The following RUSC2 variants were observed in gnomAD, a reference collection of about 807,000 sequenced individuals.
RUSC2 encodes RUN and SH3 domain containing 2, also known as AP-4 complex accessory subunit RUSC2.
A neutral mutation model predicts 122.2 loss-of-function variants in RUSC2; 34 were observed. The ratio of observed to expected loss-of-function variants is 0.28; its 90% CI spans 0.21 to 0.37. The LOEUF is 0.37. Ranked by LOEUF, RUSC2 falls within the 10% of genes least tolerant of loss-of-function variation. RUSC2 has a pLI of 1.00. For missense variants in RUSC2, 1,747 were observed against 1,952.4 expected (o/e 0.89, Z 1.98); for synonymous variants, 784 against 790.0 (o/e 0.99, Z 0.13).
In RUSC2 at chr9:35,549,238, G is replaced by A. The variant is rs932854769; in HGVS notation, c.2014+703G>A. On this transcript the variant is annotated intron_variant, in intron 2 of 11. Transcript: ENST00000361226. ...TTTAGGAGTTTGCAGTGCCTAAGGG[G>A]CAACCAAGGGATATGTCTAACAACA... The A allele has an allele frequency of 2.7e-5, 27 of 984,540 alleles. No individual in the cohort carries two copies. In the African/African-American group the frequency reaches 4.4e-4, roughly 16 times the overall value. 61.0% of individuals were successfully genotyped at this position (984,540 alleles called of 1,614,324 possible).
chr9:35,538,292 A>C (rs1792028353), intron 1 of RUSC2, among the ~76,000 whole-genome samples: 1 of 152,106 alleles, frequency 6.6e-6, no homozygotes, highest in South Asian at 2.1e-4. Flanking sequence ...CATGGTCCTT[A>C]AGACTTACCA....
chr9:35,500,198 A>G (rs1391657900), intron 1 of RUSC2, among the ~76,000 whole-genome samples: 1 of 152,190 alleles, frequency 6.6e-6, no homozygotes, highest in Non-Finnish European at 1.5e-5. Flanking sequence ...AAGACTGGGC[A>G]ATTTACAAAA....
chr9:35,543,622 A>G (rs1821686490), intron 1 of RUSC2, among the ~76,000 whole-genome samples: 1 of 152,100 alleles, frequency 6.6e-6, no homozygotes, highest in African/African-American at 2.4e-5. Context: ...AAATGGTGAC[A>G]AACACCTGGC....
Position 35,547,306 on chromosome 9 carries a change from C to A in RUSC2, c.785C>A (p.Ala262Asp). The change falls in exon 2 of 12, where the codon GCT becomes GAT. Residue 262 changes from alanine (A) to aspartate (D), a missense_variant. Ala to Asp is a moderately radical substitution (Grantham distance 126). Transcript: ENST00000361226. This position sits in a 1 kb window ranked among gnomAD's most constrained non-coding sequence, Gnocchi z 4.6. ...AGCACATCCAGTCAGTCCGAGGCAGCTGACCAGTCCATGGGCTATGTGAGC... is the reference window on the plus strand; with the variant it reads ...AGCACATCCAGTCAGTCCGAGGCAGATGACCAGTCCATGGGCTATGTGAGC... Reference protein sequence around the residue: ...CSSTSSQSEAADQSMGYVSDS... With the variant: ...CSSTSSQSEADDQSMGYVSDS... 6.2e-7 allele frequency: 1 copy of A among 1,614,212 alleles called. No homozygotes were observed. The highest frequency in any genetic ancestry group is 1.3e-5 in the African/African-American group (1 of 75,046).
At position 35,547,598 on chromosome 9, in the gene RUSC2, T is replaced by C. The variant is rs763089238; in HGVS notation, c.1077T>C (p.Leu359=). 1 of 1,614,186 alleles carries C rather than the reference T, an allele frequency of 6.2e-7. No individual in the cohort carries two copies. The highest frequency in any genetic ancestry group is 8.5e-7 in the Non-Finnish European group (1 of 1,180,032). Residue 359 remains leucine, a synonymous_variant, in exon 2 of 12, where the codon CTT becomes CTC. Coordinates refer to ENST00000361226, the MANE Select transcript of RUSC2 (RefSeq NM_014806.5). The surrounding 1 kb of genome is among the most constrained non-coding windows in gnomAD (Gnocchi z 4.6). ...GCCCTCATGCCTCTTCTCCTGAGCT[T>C]GATGCCAACTGCAACTCCTACCGCC... ...YGCPHASSPE[L]DANCNSYRPH... is the part of the protein sequence containing the mutation.
Position 35,558,584 on chromosome 9 carries a change from G to C in RUSC2, c.3341+17G>C. ...CCTGCTCAAGTGAGTGCACAGAGCA[G>C]CAAGATCCCCTAAACAACTTGCCCT... On this transcript the variant is annotated intron_variant, in intron 8 of 11. Coordinates refer to ENST00000361226, the MANE Select transcript of RUSC2 (RefSeq NM_014806.5). This position sits in a 1 kb window ranked among gnomAD's most constrained non-coding sequence, Gnocchi z 4.3. The C allele has an allele frequency of 6.2e-7, 1 of 1,601,060 alleles. No individual in the cohort carries two copies. Among genetic ancestry groups the C allele is most frequent in the Non-Finnish European group, 8.6e-7 (1 of 1,168,252 alleles).
intron 1 of RUSC2, among the ~76,000 whole-genome samples, chr9:35,522,062 C>A (rs539875987): frequency 6.6e-6 from 1 of 152,338 alleles, no homozygotes; most frequent in African/African-American, 2.4e-5. Context: ...ATTCTTTGAG[C>A]CTCTCTCACA....
chr9:35,493,406 C>G (rs1820607301), intron 1 of RUSC2, among the ~76,000 whole-genome samples: 2 of 152,070 alleles, frequency 1.3e-5, no homozygotes, highest in Admixed American at 6.6e-5. Context: ...TAGGTTGATT[C>G]CGTGGCTTTG....
chr9:35,546,348 T>G lies in RUSC2; in HGVS notation c.-92-82T>G. ...TTTTCTCTTCCTGGGCTCTTCTCCA[T>G]CTGAAAATGATGTAGGGAAGGGCAT... On this transcript the variant is annotated intron_variant, in intron 1 of 11. Coordinates refer to ENST00000361226, the MANE Select transcript of RUSC2 (RefSeq NM_014806.5). This position sits in a 1 kb window ranked among gnomAD's most constrained non-coding sequence, Gnocchi z 4.3. The G allele has an allele frequency of 2.4e-6, 1 of 414,202 alleles. No homozygotes were observed. The highest frequency in any genetic ancestry group is 3.6e-5 in the East Asian group (1 of 27,802). 25.7% of individuals were successfully genotyped at this position (414,202 alleles called of 1,614,324 possible).
chr9:35,543,615 T>C (rs2132547043), intron 1 of RUSC2, among the ~76,000 whole-genome samples: 1 of 152,272 alleles, frequency 6.6e-6, no homozygotes, highest in African/African-American at 2.4e-5. Flanking sequence ...TTTACAAAAA[T>C]GGTGACAAAC....
intron 1 of RUSC2, among the ~76,000 whole-genome samples, chr9:35,491,974 A>G (rs72725048): frequency 0.18 from 27,508 of 152,096 alleles, 2,637 homozygotes; most frequent in Middle Eastern, 0.24. Flanking sequence ...CTCTGTCTCA[A>G]AATAAAGCCT....
In RUSC2 at chr9:35,558,615, C is replaced by G. The variant is rs370766184; in HGVS notation, c.3341+48C>G. On this transcript the variant is annotated intron_variant, in intron 8 of 11. Coordinates refer to ENST00000361226, the MANE Select transcript of RUSC2 (RefSeq NM_014806.5). This position sits in a 1 kb window ranked among gnomAD's most constrained non-coding sequence, Gnocchi z 4.3. ...TCCCCTAAACAACTTGCCCTGCCCC[C>G]CACCCCCGGGCTCTGCCTGCACCAA... is the stretch of plus-strand genomic sequence containing the variant. 6.8e-7 allele frequency: 1 copy of G among 1,467,268 alleles called. No homozygotes were observed. The allele number at this position is 1,467,268 out of a possible 1,614,324, so 90.9% of individuals were successfully genotyped here. A position where few individuals can be genotyped will look rare whatever the true frequency, so the allele number is the denominator to read the frequency against.
chr9:35,497,410 G>A (rs759564907), intron 1 of RUSC2, among the ~76,000 whole-genome samples: 2 of 152,140 alleles, frequency 1.3e-5, no homozygotes, highest in Non-Finnish European at 2.9e-5. Context: ...TTTTGGTGTT[G>A]CAAACCCATT....
In RUSC2 at chr9:35,541,946, T is replaced by C. The variant is rs1282724486; in HGVS notation, c.-92-4484T>C. ...TATCATATAACATTTTTTAAAATTT[T>C]ATAAATATAAAAATAATTCCTTATT... On this transcript the variant is annotated intron_variant, in intron 1 of 11. Transcript: ENST00000361226. Among the ~76,000 whole-genome samples the C allele has an allele frequency of 4.2e-5, 6 of 144,024 alleles. No homozygotes were observed. In the South Asian group the frequency reaches 9.0e-4, roughly 22 times the overall value. The allele number at this position is 144,024 out of a possible 152,430, so 94.5% of individuals were successfully genotyped here.
At position 35,555,701 on chromosome 9, in the gene RUSC2, G is replaced by A; in HGVS notation, c.2656G>A (p.Ala886Thr). The A allele has an allele frequency of 6.3e-7, 1 of 1,581,122 alleles. No homozygotes were observed. The highest frequency in any genetic ancestry group is 8.5e-7 in the Non-Finnish European group (1 of 1,174,970). Residue 886 changes from alanine to threonine, a missense_variant and splice_region_variant, in exon 3 of 12, where the codon GCC becomes ACC. By Grantham distance (58) the Ala-to-Thr change is moderately conservative. Coordinates refer to ENST00000361226, the MANE Select transcript of RUSC2 (RefSeq NM_014806.5). The surrounding 1 kb of genome is among the most constrained non-coding windows in gnomAD (Gnocchi z 4.6). ...EGSMATRPSN[A>T]NHLSPQALKW... ...CAGCATGGCCACCAGGCCCAGTAAT[G>A]GTACGAGCTCCAGCATCTCCCTACC...
chr9:35,555,323 AGAG>A lies in RUSC2; in HGVS notation c.2280_2282del (p.Arg760_Gly761delinsSer), dbSNP rs746810655. On this transcript the variant is annotated inframe_deletion, in exon 3 of 12. Coordinates refer to ENST00000361226, the MANE Select transcript of RUSC2 (RefSeq NM_014806.5). The surrounding 1 kb of genome is among the most constrained non-coding windows in gnomAD (Gnocchi z 4.6). ...GGCATCCACTCCCCGAGCCACTGGC[AGAG>A]GTGCCAGGAAAGCTGGGTCTGAGCC... The A allele has an allele frequency of 3.1e-6, 5 of 1,614,198 alleles. No individual in the cohort carries two copies. The South Asian group carries it at 5.5e-5, about 18-fold the overall frequency.
In RUSC2 at chr9:35,555,658, C is replaced by T. The variant is rs147904436; in HGVS notation, c.2613C>T (p.Ala871=). 1.0e-5 allele frequency: 16 copies of T among 1,606,032 alleles called. No homozygotes were observed. In the African/African-American group the frequency reaches 1.2e-4, roughly 12 times the overall value. The change falls in exon 3 of 12, where the codon GCC becomes GCT. Residue 871 remains alanine, a synonymous_variant. Transcript: ENST00000361226. The surrounding 1 kb of genome is among the most constrained non-coding windows in gnomAD (Gnocchi z 4.6). The part of the protein sequence containing the change: ...RSGLSRAESL[A]RGGGEGSMAT... ...GCCTCAGCCGAGCAGAGAGCCTGGC[C>T]CGGGGAGGTGGTGAGGGCAGCATGG...
rs865926030 is a variant in RUSC2, at chr9:35,546,536, A to C, written c.15A>C (p.Pro5=). 3 of 1,463,332 alleles carry C rather than the reference A, an allele frequency of 2.1e-6. No individual in the cohort carries two copies. The highest frequency in any genetic ancestry group is 2.7e-6 in the Non-Finnish European group (3 of 1,105,796). The allele number at this position is 1,463,332 out of a possible 1,614,324, so 90.6% of individuals were successfully genotyped here. The part of the protein sequence containing the change: MDSP[P]KLTGETLIVH... ...AACTTTCCAGAATGGATAGTCCCCC[A>C]AAGCTGACTGGAGAGACCCTCATCG... The change falls in exon 2 of 12, where the codon CCA becomes CCC. Residue 5 remains proline (P), a synonymous_variant. Coordinates refer to ENST00000361226, the MANE Select transcript of RUSC2 (RefSeq NM_014806.5). The surrounding 1 kb of genome is among the most constrained non-coding windows in gnomAD (Gnocchi z 4.3).
Position 35,558,378 on chromosome 9 carries a change from G to A in RUSC2, c.3235+7G>A. 1 of 1,613,956 alleles carries A rather than the reference G, an allele frequency of 6.2e-7. No individual in the cohort carries two copies. ...GAGGCTTCCACACAGCTAGGTAGGT[G>A]CTGGGTGCCAAGACGGGGACCCAGG... is the stretch of plus-strand genomic sequence containing the variant. On this transcript the variant is annotated splice_region_variant and intron_variant, in intron 7 of 11. Coordinates refer to ENST00000361226, the MANE Select transcript of RUSC2 (RefSeq NM_014806.5). The surrounding 1 kb of genome is among the most constrained non-coding windows in gnomAD (Gnocchi z 4.3).
Sources: gnomAD v4.1 joint callset for allele counts (sites outside exome capture counted in the v4.1 genomes callset) on GRCh38, gnomAD v4.1.1 for gene constraint, Gnocchi (gnomAD v3.1) non-coding constraint, MANE v1.5 for transcripts, NCBI Gene and HGNC (gene_info 2026-07-23, HGNC 2026-07-21) for gene names.